Variants in SMYD3 observed in about 807,000 individuals in gnomAD.
SMYD3 encodes the protein SET and MYND domain containing 3, also known as histone-lysine N-methyltransferase SMYD3.
A neutral mutation model predicts 57.7 loss-of-function variants in SMYD3; 36 were observed. That is an observed-to-expected ratio of 0.62 (90% CI 0.48 to 0.82). The LOEUF (loss-of-function observed/expected upper bound fraction) is 0.82, where lower values mean the gene tolerates loss of function less well. Ranked by LOEUF, SMYD3 falls within the 40% of genes least tolerant of loss-of-function variation. The pLI, the probability that SMYD3 is intolerant of heterozygous loss-of-function variation, is 0.00. For synonymous variants in SMYD3, 211 were observed against 195.0 expected (o/e 1.08, Z -0.68); for missense variants, 515 against 538.8 (o/e 0.96, Z 0.44).
At chr1:246,217,961 T>C (rs2063189832) in intron 5 of SMYD3, among the ~76,000 whole-genome samples, 1 of 152,076 alleles carries the variant, frequency 6.6e-6, no homozygotes, top group Admixed American at 6.5e-5. Flanking sequence ...ACATGTTCAA[T>C]GGAAGATAAA....
intron 5 of SMYD3, among the ~76,000 whole-genome samples, chr1:246,323,406 G>GCA (rs1319635733): frequency 6.6e-6 from 1 of 152,134 alleles, no homozygotes; most frequent in Non-Finnish European, 1.5e-5. Context: ...TAAGGCTTAC[G>GCA]CAGCAGATGC....
intron 5 of SMYD3, among the ~76,000 whole-genome samples, chr1:246,184,843 G>A (rs2062606466): frequency 1.3e-5 from 2 of 152,168 alleles, no homozygotes; most frequent in Non-Finnish European, 2.9e-5. Flanking sequence ...TTCTAGTGTT[G>A]AGAACTGTGA....
chr1:246,406,189 G>A lies in SMYD3; in HGVS notation c.165-51095C>T, dbSNP rs189004624. ...TCTGCCTGCCTCAGCTTCCCAAAGC[G>A]CTGGGACTACAGGTGTGAGCCACCG... On this transcript the variant is annotated intron_variant, in intron 1 of 11. Transcript: ENST00000490107. Among the ~76,000 whole-genome samples, 574 of 152,006 alleles carry A rather than the reference G, an allele frequency of 3.8e-3. 1 individual carries two copies. Among genetic ancestry groups the A allele is most frequent in the Non-Finnish European group, 6.4e-3 (438 of 67,980 alleles).
intron 8 of SMYD3, among the ~76,000 whole-genome samples, chr1:245,869,235 A>G (rs572925523): frequency 2.0e-5 from 3 of 152,340 alleles, no homozygotes; most frequent in South Asian, 2.1e-4. Context: ...TGGATTTTCT[A>G]CAAATGCTAA....
At chr1:245,952,024 C>T (rs767256676) in intron 5 of SMYD3, among the ~76,000 whole-genome samples, 10 of 149,752 alleles carry the variant, frequency 6.7e-5, no homozygotes, top group Non-Finnish European at 1.3e-4. Context: ...AATTCAAAGA[C>T]AATAAATAGC....
chr1:245,974,346 C>T (rs1371270719), intron 5 of SMYD3, among the ~76,000 whole-genome samples: 1 of 152,156 alleles, frequency 6.6e-6, no homozygotes, highest in Non-Finnish European at 1.5e-5. Flanking sequence ...TAAAACCTTC[C>T]CCCATTTCTC....
intron 8 of SMYD3, among the ~76,000 whole-genome samples, chr1:245,889,675 G>A (rs2053272512): frequency 1.3e-5 from 2 of 152,126 alleles, no homozygotes; most frequent in African/African-American, 4.8e-5. Context: ...AATTCTGAAA[G>A]AGGCATCAAT....
intron 5 of SMYD3, among the ~76,000 whole-genome samples, chr1:246,093,535 A>T (rs752487178): frequency 2.0e-5 from 3 of 152,222 alleles, no homozygotes; most frequent in African/African-American, 7.2e-5. Flanking sequence ...CAAATATGTT[A>T]TGTTCTCACT....
At position 246,355,349 on chromosome 1, in the gene SMYD3, C is replaced by T. The variant is rs1051425129; in HGVS notation, c.165-255G>A. Reference sequence around the variant, plus strand: ...AGAGGCAGGACCAGCTTGCAGCTCCCGATCGGACAGACAGAGCAGCGTGTG... The same window carrying T: ...AGAGGCAGGACCAGCTTGCAGCTCCTGATCGGACAGACAGAGCAGCGTGTG... On this transcript the variant is annotated intron_variant, in intron 1 of 11. Transcript: ENST00000490107. The surrounding 1 kb of genome is among the most constrained non-coding windows in gnomAD (Gnocchi z 5.0). 4.7e-5 allele frequency: 22 copies of T among 465,034 alleles called. No individual in the cohort carries two copies. The highest frequency in any genetic ancestry group is 2.8e-4 in the South Asian group (12 of 42,808). 28.8% of individuals were successfully genotyped at this position (465,034 alleles called of 1,614,324 possible).
At chr1:246,016,181 T>C (rs1387605011) in intron 5 of SMYD3, among the ~76,000 whole-genome samples, 1 of 151,404 alleles carries the variant, frequency 6.6e-6, no homozygotes, top group Non-Finnish European at 1.5e-5. Context: ...GTGGGAGGAT[T>C]GCTTGAGCCC....
In SMYD3 at chr1:245,863,883, C is replaced by A; in HGVS notation, c.817G>T (p.Ala273Ser). ...TGCTCATCACCAGTTAGCATATCAG[C>A]ATCCTGCTCAGGCCAGAAAAGGAAG... is the stretch of plus-strand genomic sequence containing the variant. ...CFRCQTQDKD[A>S]DMLTGDEQVW... Residue 273 changes from alanine (A) to serine (S), a missense_variant, in exon 9 of 12, where the codon GCT (alanine) becomes TCT (serine). Coordinates refer to ENST00000490107, the MANE Select transcript of SMYD3 (RefSeq NM_001167740.2). The A allele has an allele frequency of 6.2e-7, 1 of 1,614,108 alleles. No homozygotes were observed. Among genetic ancestry groups the A allele is most frequent in the Non-Finnish European group, 8.5e-7 (1 of 1,179,946 alleles).
chr1:246,303,311 CT>C (rs771716724), intron 5 of SMYD3, among the ~76,000 whole-genome samples: 3 of 152,150 alleles, frequency 2.0e-5, no homozygotes, highest in Non-Finnish European at 4.4e-5. Context: ...AGTACACACT[CT>C]GTATAATAAA....
Position 245,929,863 on chromosome 1 carries a change from A to G in SMYD3, c.599+7T>C, listed in dbSNP as rs1372987099. Reference sequence around the variant, plus strand: ...TCTTCCAGTACATGAAGTACCATACACCATACCTGGGATATAGGCCAACAC... The same window carrying G: ...TCTTCCAGTACATGAAGTACCATACGCCATACCTGGGATATAGGCCAACAC... On this transcript the variant is annotated splice_region_variant and intron_variant, in intron 6 of 11. Coordinates refer to ENST00000490107, the MANE Select transcript of SMYD3 (RefSeq NM_001167740.2). 4 of 1,609,060 alleles carry G rather than the reference A, an allele frequency of 2.5e-6. No individual in the cohort carries two copies. The highest frequency in any genetic ancestry group is 3.4e-6 in the Non-Finnish European group (4 of 1,175,500).
chr1:246,340,908 A>G (rs998722292), intron 2 of SMYD3, among the ~76,000 whole-genome samples: 1 of 152,152 alleles, frequency 6.6e-6, no homozygotes, highest in Admixed American at 6.5e-5. Context: ...GCTGGAGGCT[A>G]AGATGGGAGG....
chr1:245,908,829 A>C (rs2054762097), intron 8 of SMYD3, among the ~76,000 whole-genome samples: 1 of 152,230 alleles, frequency 6.6e-6, no homozygotes, highest in South Asian at 2.1e-4. Flanking sequence ...TTAAGATGGA[A>C]GTTTATAGCA....
At chr1:245,999,939 T>C (rs927537637) in intron 5 of SMYD3, among the ~76,000 whole-genome samples, 2 of 152,222 alleles carry the variant, frequency 1.3e-5, no homozygotes, top group Non-Finnish European at 2.9e-5. Flanking sequence ...CCAGGGAACA[T>C]GCTGGCTAGT....
intron 5 of SMYD3, among the ~76,000 whole-genome samples, chr1:246,212,473 G>C (rs2063105598): frequency 6.6e-6 from 1 of 152,046 alleles, no homozygotes; most frequent in Admixed American, 6.5e-5. Context: ...AGATAAAATA[G>C]TGGAACAAAT....
intron 8 of SMYD3, among the ~76,000 whole-genome samples, chr1:245,884,274 G>A (rs1057066468): frequency 1.1e-4 from 17 of 152,282 alleles, no homozygotes; most frequent in Non-Finnish European, 1.3e-4. Context: ...GTAAATACCC[G>A]AGGTTCATTG....
chr1:246,486,886 G>A (rs1308088982), intron 1 of SMYD3, among the ~76,000 whole-genome samples: 1 of 152,158 alleles, frequency 6.6e-6, no homozygotes, highest in Non-Finnish European at 1.5e-5. Flanking sequence ...AAAGAAAGGA[G>A]ATAAGACTTA....
Sources: allele counts gnomAD v4.1 joint callset (sites outside exome capture counted in the v4.1 genomes callset), GRCh38; gene constraint gnomAD v4.1.1; non-coding constraint Gnocchi (gnomAD v3.1); transcripts MANE v1.5; gene names NCBI Gene and HGNC (gene_info 2026-07-23, HGNC 2026-07-21).